TSPAN5: variants seen among roughly 807,000 people sequenced by gnomAD.
TSPAN5 encodes tetraspanin-5.
Under a neutral mutation model 37.1 loss-of-function variants are expected in TSPAN5, and 10 were observed. The observed-to-expected ratio is 0.27, with a 90% CI of 0.17 to 0.46. TSPAN5 has a LOEUF of 0.46. Ranked by LOEUF, TSPAN5 falls within the 20% of genes least tolerant of loss-of-function variation. The pLI is 1.00. For missense variants in TSPAN5, 195 were observed against 326.6 expected, an observed-to-expected ratio of 0.60 and a Z score of 3.11; for synonymous variants, 110 against 118.9, an observed-to-expected ratio of 0.93 and a Z score of 0.48.
chr4:98,607,166 C>T (rs1404356681), intron 1 of TSPAN5, among the ~76,000 whole-genome samples: 1 of 152,200 alleles, frequency 6.6e-6, no homozygotes, highest in Non-Finnish European at 1.5e-5. Flanking sequence ...CTCATTTTCC[C>T]CGCTCTGGGC....
intron 1 of TSPAN5, among the ~76,000 whole-genome samples, chr4:98,576,952 G>A (rs952994451): frequency 6.6e-6 from 1 of 152,012 alleles, no homozygotes; most frequent in Admixed American, 6.6e-5. Context: ...GTAGAAATGG[G>A]GTTTTGCCAT....
At chr4:98,494,589 G>A (rs62323581) in intron 2 of TSPAN5, among the ~76,000 whole-genome samples, 40,325 of 151,650 alleles carry the variant, frequency 0.27, 5,432 homozygotes, top group East Asian at 0.34. Context: ...ATCCAAACAC[G>A]ATGTGAAGTG....
chr4:98,641,682 C>T (rs879412065), intron 1 of TSPAN5, among the ~76,000 whole-genome samples: 2 of 152,110 alleles, frequency 1.3e-5, no homozygotes, highest in African/African-American at 2.4e-5. Flanking sequence ...GGCCAAGTGC[C>T]GACTTCATCC....
chr4:98,528,598 C>T (rs917524987), intron 1 of TSPAN5, among the ~76,000 whole-genome samples: 9 of 152,134 alleles, frequency 5.9e-5, no homozygotes, highest in Admixed American at 5.9e-4. Context: ...AGACCTCATA[C>T]TTAACCCAAA....
At chr4:98,598,627 G>C (rs1007534406) in intron 1 of TSPAN5, among the ~76,000 whole-genome samples, 2 of 152,026 alleles carry the variant, frequency 1.3e-5, no homozygotes, top group Non-Finnish European at 2.9e-5. Context: ...ACTATACCCA[G>C]CTAATTTTTG....
chr4:98,476,885 A>G (rs1234907950), intron 5 of TSPAN5, among the ~76,000 whole-genome samples: 2 of 152,252 alleles, frequency 1.3e-5, no homozygotes, highest in African/African-American at 2.4e-5. Flanking sequence ...CATGTTACTT[A>G]AATTGTTTTT....
chr4:98,477,281 G>A (rs889989611), intron 5 of TSPAN5, among the ~76,000 whole-genome samples: 2 of 152,254 alleles, frequency 1.3e-5, no homozygotes, highest in African/African-American at 4.8e-5. Context: ...TCAGAAGGGA[G>A]AGGAGGTTTG....
intron 1 of TSPAN5, among the ~76,000 whole-genome samples, chr4:98,583,803 T>G (rs183074819): frequency 1.5e-3 from 226 of 152,324 alleles, no homozygotes; most frequent in Admixed American, 0.013. Context: ...AGAGAACGCA[T>G]GTAAAGTGCC....
chr4:98,485,755 G>A (rs542670156), intron 3 of TSPAN5, among the ~76,000 whole-genome samples: 143 of 140,058 alleles, frequency 1.0e-3, no homozygotes, highest in African/African-American at 3.8e-3. Flanking sequence ...GCTACTTCTT[G>A]GATATGCTTT....
At chr4:98,512,408 TA>T (rs1215668425) in intron 1 of TSPAN5, among the ~76,000 whole-genome samples, 1 of 152,154 alleles carries the variant, frequency 6.6e-6, no homozygotes, top group African/African-American at 2.4e-5. Flanking sequence ...CCTAAGTCTC[TA>T]AATTACTCTT....
intron 1 of TSPAN5, among the ~76,000 whole-genome samples, chr4:98,514,706 G>A (rs750485195): frequency 9.2e-5 from 14 of 152,082 alleles, no homozygotes; most frequent in Admixed American, 3.3e-4. Flanking sequence ...CCAGTGCTAC[G>A]TAGTTTCATG....
intron 1 of TSPAN5, among the ~76,000 whole-genome samples, chr4:98,618,383 T>A (rs946292138): frequency 4.6e-5 from 7 of 152,110 alleles, no homozygotes; most frequent in African/African-American, 1.7e-4. Flanking sequence ...AAAACCAGAA[T>A]AAAATCAAGC....
At chr4:98,613,921 T>C (rs934420838) in intron 1 of TSPAN5, among the ~76,000 whole-genome samples, 24 of 152,130 alleles carry the variant, frequency 1.6e-4, no homozygotes, top group Non-Finnish European at 5.9e-5. Flanking sequence ...TATCCCTCCC[T>C]AAGCACAACC....
intron 1 of TSPAN5, among the ~76,000 whole-genome samples, chr4:98,518,238 C>A (rs1163301497): frequency 1.3e-5 from 2 of 151,802 alleles, no homozygotes; most frequent in East Asian, 3.9e-4. Flanking sequence ...AAGGTTAATG[C>A]AAATAAAAAC....
intron 1 of TSPAN5, among the ~76,000 whole-genome samples, chr4:98,525,262 T>C (rs1753935623): frequency 6.6e-6 from 1 of 152,220 alleles, no homozygotes; most frequent in Non-Finnish European, 1.5e-5. Context: ...TTTTGTTCAA[T>C]GTCGTTTCCT....
At chr4:98,612,074 A>C (rs929452257) in intron 1 of TSPAN5, among the ~76,000 whole-genome samples, 2 of 152,244 alleles carry the variant, frequency 1.3e-5, no homozygotes, top group Non-Finnish European at 2.9e-5. Flanking sequence ...CTACACAGAC[A>C]CTGTCACCTG....
intron 4 of TSPAN5, among the ~76,000 whole-genome samples, chr4:98,480,586 A>G (rs1464440195): frequency 6.6e-6 from 1 of 152,174 alleles, no homozygotes; most frequent in Non-Finnish European, 1.5e-5. Context: ...ACTTCTAAAC[A>G]TTACATTCCA....
At chr4:98,543,383 C>T (rs1370001173) in intron 1 of TSPAN5, among the ~76,000 whole-genome samples, 1 of 151,532 alleles carries the variant, frequency 6.6e-6, no homozygotes, top group Non-Finnish European at 1.5e-5. Flanking sequence ...ATACACCCAT[C>T]CATAAATACA....
At chr4:98,603,784 T>C (rs1755940615) in intron 1 of TSPAN5, among the ~76,000 whole-genome samples, 1 of 152,190 alleles carries the variant, frequency 6.6e-6, no homozygotes, top group Non-Finnish European at 1.5e-5. Context: ...ATAAAATTGG[T>C]GCCCACTTCA....
Sources: gnomAD v4.1 joint callset for allele counts (sites outside exome capture counted in the v4.1 genomes callset) on GRCh38, gnomAD v4.1.1 for gene constraint, MANE v1.5 for transcripts, NCBI Gene and HGNC (gene_info 2026-07-23, HGNC 2026-07-21) for gene names.